Variants in SEPHS1 observed in about 807,000 individuals in gnomAD.
SEPHS1 encodes the protein zincore component SEPHS1.
In SEPHS1, 7 loss-of-function variants were observed where a neutral mutation model predicts 39.2. The observed-to-expected ratio is 0.18, with a 90% CI of 0.10 to 0.34. The LOEUF (loss-of-function observed/expected upper bound fraction) is 0.34, where lower values mean the gene tolerates loss of function less well. Ranked by LOEUF, SEPHS1 falls within the 10% of genes least tolerant of loss-of-function variation. The pLI is 1.00. For missense variants in SEPHS1, 253 were observed against 514.5 expected, an observed-to-expected ratio of 0.49 and a Z score of 4.92; for synonymous variants, 190 against 195.5, an observed-to-expected ratio of 0.97 and a Z score of 0.23.
chr10:13,334,853 G>A (rs1833580011), intron 4 of SEPHS1, among the ~76,000 whole-genome samples: 1 of 152,252 alleles, frequency 6.6e-6, no homozygotes, highest in Non-Finnish European at 1.5e-5. Flanking sequence ...CCAGCCCTAG[G>A]TCTGATGACT....
At chr10:13,345,885 TA>T (rs1242505666) in intron 1 of SEPHS1, among the ~76,000 whole-genome samples, 1 of 152,040 alleles carries the variant, frequency 6.6e-6, no homozygotes, top group Non-Finnish European at 1.5e-5. Flanking sequence ...AAATAAAAAA[TA>T]AAAAAATACA....
chr10:13,343,745 C>A (rs1339002677), intron 2 of SEPHS1, among the ~76,000 whole-genome samples: 1 of 152,020 alleles, frequency 6.6e-6, no homozygotes, highest in Admixed American at 6.6e-5. Context: ...ACCCAGGAGG[C>A]AGAGGTTGCA....
At chr10:13,342,672 A>G (rs1350382639) in intron 2 of SEPHS1, among the ~76,000 whole-genome samples, 2 of 152,190 alleles carry the variant, frequency 1.3e-5, no homozygotes, top group Non-Finnish European at 2.9e-5. Flanking sequence ...CATGTATTAT[A>G]TATGTAAGTA....
intron 1 of SEPHS1, among the ~76,000 whole-genome samples, chr10:13,347,009 G>T (rs1052547303): frequency 3.3e-5 from 5 of 152,228 alleles, no homozygotes; most frequent in Non-Finnish European, 7.3e-5. Flanking sequence ...GGCATGGGAA[G>T]GGGGAGGGGG....
At chr10:13,324,590 G>A (rs1391752686) in intron 7 of SEPHS1, among the ~76,000 whole-genome samples, 1 of 152,282 alleles carries the variant, frequency 6.6e-6, no homozygotes, top group Non-Finnish European at 1.5e-5. Flanking sequence ...CTACATCCTT[G>A]CCAGCAGTTG....
At position 13,322,917 on chromosome 10, in the gene SEPHS1, C is replaced by T. The variant is rs369815673; in HGVS notation, c.882G>A (p.Pro294=). Residue 294 remains proline (P), a synonymous_variant, in exon 8 of 9, where the codon CCG becomes CCA. Transcript: ENST00000327347. ...TCACCGCAGCCATCTTGGCCAGCAC[C>T]GGGAGGTTGTGAATTACAAACGACA... The part of the protein sequence containing the change: ...NEVSFVIHNL[P]VLAKMAAVSK... 3.6e-5 allele frequency: 58 copies of T among 1,613,834 alleles called. No homozygotes were observed. Among genetic ancestry groups the T allele is most frequent in the Admixed American group, 1.8e-4 (11 of 59,992 alleles).
At chr10:13,339,991 G>C (rs1833741902) in intron 2 of SEPHS1, among the ~76,000 whole-genome samples, 1 of 152,258 alleles carries the variant, frequency 6.6e-6, no homozygotes, top group Non-Finnish European at 1.5e-5. Flanking sequence ...CAGGGAAAAA[G>C]CCAGAATTAG....
rs762235209 is a variant in SEPHS1 at position 13,338,729 on chromosome 10, C to T, written c.273G>A (p.Pro91=). Residue 91 remains proline, a synonymous_variant, in exon 3 of 9, where the codon CCG becomes CCA. Transcript: ENST00000327347. ...CCATCATGTAAGGGTCGTCTACGAT[C>T]GGGTAAATGTAATCTGTGGTTTGAA... is the stretch of plus-strand genomic sequence containing the variant. The part of the protein sequence containing the change: ...SLVQTTDYIY[P]IVDDPYMMGR... The T allele has an allele frequency of 6.7e-5, 108 of 1,613,888 alleles. No individual in the cohort carries two copies. Among genetic ancestry groups the T allele is most frequent in the Non-Finnish European group, 8.3e-5 (98 of 1,179,868 alleles).
rs1833105574 is a variant in SEPHS1, at chr10:13,321,259, T to TC, written c.964+1575_964+1576insG. Among the ~76,000 whole-genome samples the TC allele has an allele frequency of 2.0e-5, 3 of 151,594 alleles. No homozygotes were observed. In the South Asian group the frequency reaches 6.3e-4, roughly 32 times the overall value. On this transcript the variant is annotated intron_variant, in intron 8 of 8. Transcript: ENST00000327347. Reference sequence around the variant, plus strand: ...GCTAGGCATGTGTATTTTTCTTTTTTTTTTTGAGACAGAGTCTCACTCTGT... The same window carrying TC: ...GCTAGGCATGTGTATTTTTCTTTTTTCTTTTTGAGACAGAGTCTCACTCTGT...
rs941598223 is a variant in SEPHS1 at position 13,332,723 on chromosome 10, G to C, written c.560+1094C>G. 3.3e-5 allele frequency among the ~76,000 whole-genome samples: 5 copies of C among 151,730 alleles called. No homozygotes were observed. In the South Asian group the frequency reaches 1.0e-3, roughly 32 times the overall value. ...CCGGGCATGGTGGCAGGTGCCTGTA[G>C]TCCCAGCTACTCGGGAAGCTGAGGC... is the stretch of plus-strand genomic sequence containing the variant. On this transcript the variant is annotated intron_variant, in intron 5 of 8. Transcript: ENST00000327347.
At chr10:13,344,258 T>A (rs536862122) in intron 2 of SEPHS1, among the ~76,000 whole-genome samples, 12 of 152,324 alleles carry the variant, frequency 7.9e-5, no homozygotes, top group Non-Finnish European at 1.2e-4. Flanking sequence ...GAAGGGAATG[T>A]GAGCATTTTA....
At chr10:13,325,960 AAAAATAATAAT>A (rs1372849287) in intron 7 of SEPHS1, among the ~76,000 whole-genome samples, 1 of 102,902 alleles carries the variant, frequency 9.7e-6, no homozygotes. Flanking sequence ...AAAAAAAAAA[AAAAATAATAAT>A]AATAATAATA....
At chr10:13,327,240 C>CAAAAAA (rs34788028) in intron 7 of SEPHS1, among the ~76,000 whole-genome samples, 30 of 82,780 alleles carry the variant, frequency 3.6e-4, no homozygotes, top group African/African-American at 1.3e-3. Flanking sequence ...GATTCTGTCT[C>CAAAAAA]AAAAAAAAAA....
At chr10:13,323,386 G>A (rs1016456796) in intron 7 of SEPHS1, among the ~76,000 whole-genome samples, 18 of 151,888 alleles carry the variant, frequency 1.2e-4, no homozygotes, top group Admixed American at 5.9e-4. Context: ...ATGGAGTCTC[G>A]CTCTGTCATC....
intron 2 of SEPHS1, among the ~76,000 whole-genome samples, chr10:13,340,167 C>T (rs905488012): frequency 2.6e-5 from 4 of 152,044 alleles, no homozygotes; most frequent in African/African-American, 9.7e-5. Flanking sequence ...GCAGACCTCA[C>T]AGAGGCGGGT....
At chr10:13,322,136 C>G in intron 8 of SEPHS1, 1 of 377,104 alleles carries the variant, frequency 2.7e-6, no homozygotes, top group South Asian at 1.8e-5. Flanking sequence ...CTGTATCATT[C>G]TCTTTTCTTT....
intron 2 of SEPHS1, among the ~76,000 whole-genome samples, chr10:13,344,477 T>C (rs1229819348): frequency 1.3e-5 from 2 of 151,960 alleles, no homozygotes; most frequent in South Asian, 2.1e-4. Flanking sequence ...GAACATAACA[T>C]AGCAATCATA....
chr10:13,334,978 G>A (rs923992165), intron 4 of SEPHS1, among the ~76,000 whole-genome samples: 6 of 152,150 alleles, frequency 3.9e-5, no homozygotes, highest in Non-Finnish European at 8.8e-5. Context: ...CAGGCTACGA[G>A]TAACCCACAC....
intron 7 of SEPHS1, among the ~76,000 whole-genome samples, chr10:13,326,242 G>A (rs1456667319): frequency 2.6e-5 from 4 of 151,940 alleles, no homozygotes; most frequent in African/African-American, 7.2e-5. Flanking sequence ...TTGGGAGGCC[G>A]AGACAGGCGG....
Sources: allele counts gnomAD v4.1 joint callset (sites outside exome capture counted in the v4.1 genomes callset), GRCh38; gene constraint gnomAD v4.1.1; transcripts MANE v1.5; gene names NCBI Gene and HGNC (gene_info 2026-07-23, HGNC 2026-07-21).